The following PIP5KL1 variants were observed in gnomAD, a reference collection of about 807,000 sequenced individuals.
PIP5KL1 encodes the protein phosphatidylinositol-4-phosphate 5-kinase like 1, also known as phosphatidylinositol 4-phosphate 5-kinase-like protein 1.
In PIP5KL1, 45 loss-of-function variants were observed where a neutral mutation model predicts 47.6. That is an observed-to-expected ratio of 0.94 (90% CI 0.74 to 1.21). The LOEUF is 1.21. Ranked by LOEUF, PIP5KL1 falls within the 50% of genes most tolerant of loss-of-function variation. The pLI is 0.00. For synonymous variants in PIP5KL1, 256 were observed against 234.6 expected, an observed-to-expected ratio of 1.09 and a Z score of -0.84; for missense variants, 577 against 547.6, an observed-to-expected ratio of 1.05 and a Z score of -0.54.
chr9:127,928,725 C>T (rs1831398375), intron 2 of PIP5KL1: 3 of 565,896 alleles, frequency 5.3e-6, no homozygotes, highest in African/African-American at 3.8e-5. Flanking sequence ...CACTCTGGAT[C>T]ACCAGCACCA....
Position 127,922,151 on chromosome 9 carries a change from C to G in PIP5KL1, c.918-37G>C, listed in dbSNP as rs950945772. The G allele has an allele frequency of 2.2e-5, 32 of 1,452,836 alleles. No individual in the cohort carries two copies. The African/African-American group carries it at 3.8e-4, about 17-fold the overall frequency. The allele number at this position is 1,452,836 out of a possible 1,614,324, so 90.0% of individuals were successfully genotyped here. A position where few individuals can be genotyped will look rare whatever the true frequency, so the allele number is the denominator to read the frequency against. ...CAGGAGGGTGAAGCTGCCAGCTCCT[C>G]CAGGAAGCCCCAGCCAGTCGGCTCT... On this transcript the variant is annotated intron_variant, in intron 9 of 9. Coordinates refer to ENST00000388747, the MANE Select transcript of PIP5KL1 (RefSeq NM_001135219.2).
Position 127,929,851 on chromosome 9 carries a change from G to A in PIP5KL1, c.65C>T (p.Ala22Val). The A allele has an allele frequency of 1.3e-6, 2 of 1,544,072 alleles. No individual in the cohort carries two copies. Among genetic ancestry groups the A allele is most frequent in the South Asian group, 1.2e-5 (1 of 83,950 alleles). The part of the protein sequence containing the change: ...LAPSPEAGCR[A>V]VTSSRRGLLW... ...AAGCCCCCGCCGGCTGGAGGTGACTGCTCTGCATCCAGCCTCAGGGGAGGG... is the reference window on the plus strand; with the variant it reads ...AAGCCCCCGCCGGCTGGAGGTGACTACTCTGCATCCAGCCTCAGGGGAGGG... The change falls in exon 2 of 10, where the codon GCA becomes GTA. Residue 22 changes from alanine (A) to valine (V), a missense_variant. Coordinates refer to ENST00000388747, the MANE Select transcript of PIP5KL1 (RefSeq NM_001135219.2). The surrounding 1 kb of genome is among the most constrained non-coding windows in gnomAD (Gnocchi z 4.0).
rs543751805 is a variant in PIP5KL1 at position 127,929,574 on chromosome 9, C to A, written c.228+114G>T. Reference sequence around the variant, plus strand: ...CACAATGTTCCTCCCTCTCTGCCTTCCTCCCCTTGATATCCCTCTCTGATC... The same window carrying A: ...CACAATGTTCCTCCCTCTCTGCCTTACTCCCCTTGATATCCCTCTCTGATC... On this transcript the variant is annotated intron_variant, in intron 2 of 9. Coordinates refer to ENST00000388747, the MANE Select transcript of PIP5KL1 (RefSeq NM_001135219.2). The surrounding 1 kb of genome is among the most constrained non-coding windows in gnomAD (Gnocchi z 4.0). 2.7e-5 allele frequency: 30 copies of A among 1,124,790 alleles called. No individual in the cohort carries two copies. The African/African-American group carries it at 4.3e-4, about 16-fold the overall frequency. The allele number at this position is 1,124,790 out of a possible 1,614,324, so 69.7% of individuals were successfully genotyped here.
chr9:127,923,708 G>GT (rs1386554816), intron 9 of PIP5KL1, among the ~76,000 whole-genome samples: 1 of 152,252 alleles, frequency 6.6e-6, no homozygotes, highest in Non-Finnish European at 1.5e-5. Context: ...GACAGGAGGG[G>GT]TGGCGGCTGG....
At position 127,927,593 on chromosome 9, in the gene PIP5KL1, A is replaced by G; in HGVS notation, c.559+55T>C. 3 of 394,768 alleles carry G rather than the reference A, an allele frequency of 7.6e-6. No homozygotes were observed. The highest frequency in any genetic ancestry group is 9.1e-6 in the Non-Finnish European group (3 of 328,220). The allele number at this position is 394,768 out of a possible 1,614,324, so 24.5% of individuals were successfully genotyped here. ...CCCGCCCACATACCCCGCCCTCCCC[A>G]GGTATATGATGACCTAGGACCCGCC... On this transcript the variant is annotated intron_variant, in intron 5 of 9. Coordinates refer to ENST00000388747, the MANE Select transcript of PIP5KL1 (RefSeq NM_001135219.2). This position sits in a 1 kb window ranked among gnomAD's most constrained non-coding sequence, Gnocchi z 5.5.
chr9:127,928,100 G>A lies in PIP5KL1; in HGVS notation c.399C>T (p.Leu133=), dbSNP rs1831389445. 1.3e-5 allele frequency: 21 copies of A among 1,574,542 alleles called. No homozygotes were observed. The highest frequency in any genetic ancestry group is 2.3e-5 in the East Asian group (1 of 43,320). ...LGPGGPYLQF[L]STSKSKASFF... is the part of the protein sequence containing the mutation. ...AGCTGGCCTTGCTCTTGGAGGTGCTGAGGAACTGCAGGTAGGGGCCGCCGG... is the reference window on the plus strand; with the variant it reads ...AGCTGGCCTTGCTCTTGGAGGTGCTAAGGAACTGCAGGTAGGGGCCGCCGG... Residue 133 remains leucine (L), a synonymous_variant, in exon 4 of 10, where the codon CTC becomes CTT. Transcript: ENST00000388747.
chr9:127,930,019 A>C, intron 1 of PIP5KL1, 134 bp from the exon 2 acceptor site: 3 of 907,400 alleles, frequency 3.3e-6, no homozygotes, highest in Non-Finnish European at 4.8e-6. Flanking sequence ...GCTGTAAAAT[A>C]GAGATGATGC....
chr9:127,928,523 C>G, intron 2 of PIP5KL1, 40 bp from the exon 3 acceptor site: 1 of 1,518,128 alleles, frequency 6.6e-7, no homozygotes, highest in Non-Finnish European at 8.8e-7. Context: ...AACCCTCAGT[C>G]CCCTGCTGCC....
In PIP5KL1 at chr9:127,929,659, G is replaced by A. The variant is rs1457395699; in HGVS notation, c.228+29C>T. On this transcript the variant is annotated intron_variant, in intron 2 of 9. Transcript: ENST00000388747. The surrounding 1 kb of genome is among the most constrained non-coding windows in gnomAD (Gnocchi z 4.0). ...GCCAAGTCTTGCCATTGCTGGTGTGGAGATTCGTGGGACAGATGGGCCACT... is the reference window on the plus strand; with the variant it reads ...GCCAAGTCTTGCCATTGCTGGTGTGAAGATTCGTGGGACAGATGGGCCACT... The A allele has an allele frequency of 5.3e-6, 8 of 1,518,516 alleles. No individual in the cohort carries two copies. Among genetic ancestry groups the A allele is most frequent in the Non-Finnish European group, 6.2e-6 (7 of 1,123,070 alleles). The allele number at this position is 1,518,516 out of a possible 1,614,324, so 94.1% of individuals were successfully genotyped here. A position where few individuals can be genotyped will look rare whatever the true frequency, so the allele number is the denominator to read the frequency against.
rs533210014 is a variant in PIP5KL1 at position 127,927,053 on chromosome 9, C to T, written c.650+100G>A. ...CCAGATCTTGGGAACGCCCCTTCTC[C>T]TTCCTGGGCCTCGGTTTCACCGTCT... On this transcript the variant is annotated intron_variant, in intron 7 of 9. Transcript: ENST00000388747. The surrounding 1 kb of genome is among the most constrained non-coding windows in gnomAD (Gnocchi z 5.5). 19 of 1,356,984 alleles carry T rather than the reference C, an allele frequency of 1.4e-5. No homozygotes were observed. Among genetic ancestry groups the T allele is most frequent in the Non-Finnish European group, 1.9e-5 (19 of 1,002,070 alleles). 84.1% of individuals were successfully genotyped at this position (1,356,984 alleles called of 1,614,324 possible).
chr9:127,927,302 T>C lies in PIP5KL1; in HGVS notation c.589A>G (p.Lys197Glu). 6.2e-7 allele frequency: 1 copy of C among 1,611,072 alleles called. No homozygotes were observed. The highest frequency in any genetic ancestry group is 1.7e-5 in the Admixed American group (1 of 59,812). The change falls in exon 6 of 10, where the codon AAG becomes GAG. Residue 197 changes from lysine (K) to glutamate (E), a missense_variant. Coordinates refer to ENST00000388747, the MANE Select transcript of PIP5KL1 (RefSeq NM_001135219.2). This position sits in a 1 kb window ranked among gnomAD's most constrained non-coding sequence, Gnocchi z 5.5. Reference protein sequence around the residue: ...GVHSLRVDRGKKTYFIVMQSV... With the variant: ...GVHSLRVDRGEKTYFIVMQSV... ...CTCGCCTCGGCTTCACCCACCTTCT[T>C]TCCCCGGTCCACCCGCAGACTGTGC...
Position 127,929,505 on chromosome 9 carries a change from T to G in PIP5KL1, c.228+183A>C, listed in dbSNP as rs1349076235. ...CACAGCAACCACCTGAGTCAGGGGGTTCCTCACACCCCCAACGCACCCCAG... is the reference window on the plus strand; with the variant it reads ...CACAGCAACCACCTGAGTCAGGGGGGTCCTCACACCCCCAACGCACCCCAG... On this transcript the variant is annotated intron_variant, in intron 2 of 9. Transcript: ENST00000388747. This position sits in a 1 kb window ranked among gnomAD's most constrained non-coding sequence, Gnocchi z 4.0. Among the ~76,000 whole-genome samples the G allele has an allele frequency of 6.7e-6, 1 of 150,052 alleles. No homozygotes were observed. Among genetic ancestry groups the G allele is most frequent in the East Asian group, 2.0e-4 (1 of 5,128 alleles).
At position 127,929,802 on chromosome 9, in the gene PIP5KL1, C is replaced by G. The variant is rs377179152; in HGVS notation, c.114G>C (p.Gln38His). ...RGLLWRLRDK[Q>H]SRLGLFEISP... ...TGATCTCAAACAGGCCCAGGCGAGA[C>G]TGCTTGTCTCGGAGGCGCCAGAGAA... Residue 38 changes from glutamine to histidine, a missense_variant, in exon 2 of 10, where the codon CAG becomes CAC. Transcript: ENST00000388747. This position sits in a 1 kb window ranked among gnomAD's most constrained non-coding sequence, Gnocchi z 4.0. 3.4e-5 allele frequency: 53 copies of G among 1,554,262 alleles called. No individual in the cohort carries two copies. In the African/African-American group the frequency reaches 7.1e-4, roughly 21 times the overall value.
At chr9:127,922,694 C>CAAAAAAAAAAAA (rs386416269) in intron 9 of PIP5KL1, among the ~76,000 whole-genome samples, 2 of 89,512 alleles carry the variant, frequency 2.2e-5, no homozygotes, top group African/African-American at 4.5e-5. Context: ...GACTCTGTCT[C>CAAAAAAAAAAAA]AAAAAAAAAA....
At chr9:127,925,282 C>G in intron 8 of PIP5KL1, 22 bp from the exon 9 acceptor site, 2 of 1,607,548 alleles carry the variant, frequency 1.2e-6, no homozygotes, top group South Asian at 1.1e-5. Flanking sequence ...TCAGTGCCCC[C>G]ACCTGAGCGC....
Position 127,929,249 on chromosome 9 carries a change from C to T in PIP5KL1, c.228+439G>A, listed in dbSNP as rs530828044. On this transcript the variant is annotated intron_variant, in intron 2 of 9. Coordinates refer to ENST00000388747, the MANE Select transcript of PIP5KL1 (RefSeq NM_001135219.2). The surrounding 1 kb of genome is among the most constrained non-coding windows in gnomAD (Gnocchi z 4.0). ...CACCACACACATGCTCACCCAGGCC[C>T]GCCCAGCTGCTGAGCTTGCAGTTGG... Among the ~76,000 whole-genome samples the T allele has an allele frequency of 6.6e-6, 1 of 152,150 alleles. No individual in the cohort carries two copies. Among genetic ancestry groups the T allele is most frequent in the Non-Finnish European group, 1.5e-5 (1 of 68,014 alleles).
chr9:127,927,603 T>C lies in PIP5KL1; in HGVS notation c.559+45A>G. ...TACCCCGCCCTCCCCAGGTATATGA[T>C]GACCTAGGACCCGCCCCCACCGAGC... is the stretch of plus-strand genomic sequence containing the variant. On this transcript the variant is annotated intron_variant, in intron 5 of 9. Transcript: ENST00000388747. This position sits in a 1 kb window ranked among gnomAD's most constrained non-coding sequence, Gnocchi z 5.5. 6.8e-7 allele frequency: 1 copy of C among 1,473,706 alleles called. No individual in the cohort carries two copies. The highest frequency in any genetic ancestry group is 8.9e-7 in the Non-Finnish European group (1 of 1,119,944). 91.3% of individuals were successfully genotyped at this position (1,473,706 alleles called of 1,614,324 possible).
chr9:127,930,269 T>C (rs1426917533), intron 1 of PIP5KL1, among the ~76,000 whole-genome samples: 2 of 152,196 alleles, frequency 1.3e-5, no homozygotes, highest in Non-Finnish European at 2.9e-5. Context: ...TTGTTACTTT[T>C]GAGTTTGAGC....
At position 127,928,503 on chromosome 9, in the gene PIP5KL1, A is replaced by T. The variant is rs1157204576; in HGVS notation, c.229-20T>A. ...CGGCCCCTGCAGGGAGAGGTAGAGG[A>T]GCTCAGGGCAACCCTCAGTCCCCTG... On this transcript the variant is annotated intron_variant, in intron 2 of 9. Transcript: ENST00000388747. 3.8e-6 allele frequency: 6 copies of T among 1,572,774 alleles called. No individual in the cohort carries two copies. The highest frequency in any genetic ancestry group is 5.2e-6 in the Non-Finnish European group (6 of 1,162,198).
Sources: gnomAD v4.1 joint callset for allele counts (sites outside exome capture counted in the v4.1 genomes callset) on GRCh38, gnomAD v4.1.1 for gene constraint, Gnocchi (gnomAD v3.1) non-coding constraint, MANE v1.5 for transcripts, NCBI Gene and HGNC (gene_info 2026-07-23, HGNC 2026-07-21) for gene names.